OSBP2: variants seen among roughly 807,000 people sequenced by gnomAD.
OSBP2 encodes oxysterol binding protein 2, also known as oxysterol-binding protein 2.
A neutral mutation model predicts 96.0 loss-of-function variants in OSBP2; 66 were observed. That is an observed-to-expected ratio of 0.69 (90% confidence interval 0.56 to 0.84). OSBP2 has a LOEUF of 0.84. Among genes scored for constraint, OSBP2 ranks in the 40% least tolerant of loss-of-function variants. The pLI is 0.00. For synonymous variants in OSBP2, 525 were observed against 520.9 expected (o/e 1.01, Z -0.11); for missense variants, 1,038 against 1,222.7 (o/e 0.85, Z 2.25).
In OSBP2 at chr22:30,870,753, C is replaced by T. The variant is rs892410085; in HGVS notation, c.1107+71C>T. The T allele has an allele frequency of 3.9e-6, 6 of 1,521,586 alleles. No individual in the cohort carries two copies. In the African/African-American group the frequency reaches 5.5e-5, roughly 14 times the overall value. The allele number at this position is 1,521,586 out of a possible 1,614,324, so 94.3% of individuals were successfully genotyped here. A position where few individuals can be genotyped will look rare whatever the true frequency, so the allele number is the denominator to read the frequency against. On this transcript the variant is annotated intron_variant, in intron 3 of 13. Transcript: ENST00000332585. This position sits in a 1 kb window ranked among gnomAD's most constrained non-coding sequence, Gnocchi z 4.1. ...AGCCCCGGGGTCCCTCGGTGGGTGACCAGGGTCAGCTTGAAGGGTCAGCGT... is the reference window on the plus strand; with the variant it reads ...AGCCCCGGGGTCCCTCGGTGGGTGATCAGGGTCAGCTTGAAGGGTCAGCGT...
chr22:30,890,816 C>A lies in OSBP2; in HGVS notation c.1712C>A (p.Thr571Asn). The change falls in exon 8 of 14, where the codon ACC becomes AAC. Residue 571 changes from threonine (T) to asparagine (N), a missense_variant. Physicochemically the swap from Thr to Asn is moderately conservative, Grantham distance 65. Around this residue, in one of 3 missense-constraint regions of OSBP2, gnomAD observed 737 missense variants for 913.3 expected, o/e 0.81. Transcript: ENST00000332585. This position sits in a 1 kb window ranked among gnomAD's most constrained non-coding sequence, Gnocchi z 4.4. ...HHLLDKAVHC[T>N]SSVEQMCLVA... ...CTGCTGGACAAGGCAGTGCACTGCACCAGCTCAGTGGAGCAGATGTGCCTG... is the reference window on the plus strand; with the variant it reads ...CTGCTGGACAAGGCAGTGCACTGCAACAGCTCAGTGGAGCAGATGTGCCTG... The A allele has an allele frequency of 6.2e-7, 1 of 1,613,734 alleles. No individual in the cohort carries two copies. Among genetic ancestry groups the A allele is most frequent in the Non-Finnish European group, 8.5e-7 (1 of 1,179,992 alleles).
At chr22:30,902,297 A>G in intron 12 of OSBP2, 1 of 1,591,464 alleles carries the variant, frequency 6.3e-7, no homozygotes, top group Non-Finnish European at 8.6e-7. Flanking sequence ...GGATCTCAGC[A>G]TAAGGAGTGT....
intron 1 of OSBP2, among the ~76,000 whole-genome samples, chr22:30,716,183 AGGTG>A (rs2089452914): frequency 6.6e-6 from 1 of 151,310 alleles, no homozygotes; most frequent in Non-Finnish European, 1.5e-5. Context: ...CTGTGATTAC[AGGTG>A]CCTGCCACCA....
intron 2 of OSBP2, among the ~76,000 whole-genome samples, chr22:30,856,900 C>T (rs1209834518): frequency 1.3e-5 from 2 of 152,124 alleles, no homozygotes; most frequent in Admixed American, 6.5e-5. Flanking sequence ...GGAGGTGGCC[C>T]AAGCAAGGGG....
intron 3 of OSBP2, among the ~76,000 whole-genome samples, chr22:30,876,735 G>A (rs180903434): frequency 6.6e-6 from 1 of 152,280 alleles, no homozygotes; most frequent in Admixed American, 6.5e-5. Flanking sequence ...TGCATTGCGT[G>A]GCATGCCAGA....
At chr22:30,745,650 G>A (rs945848010) in intron 2 of OSBP2, among the ~76,000 whole-genome samples, 18 of 121,302 alleles carry the variant, frequency 1.5e-4, no homozygotes, top group South Asian at 8.4e-4. Context: ...CTGGGCAACA[G>A]AGTGAGACTC....
At chr22:30,785,208 C>CT (rs1354371650) in intron 2 of OSBP2, among the ~76,000 whole-genome samples, 3 of 152,156 alleles carry the variant, frequency 2.0e-5, no homozygotes, top group African/African-American at 4.8e-5. Context: ...TAGATTTAAA[C>CT]TTTCCTCTGT....
At chr22:30,799,057 T>TTTCC (rs1159820708) in intron 2 of OSBP2, among the ~76,000 whole-genome samples, 35,814 of 119,974 alleles carry the variant, frequency 0.3, 5,667 homozygotes, top group East Asian at 0.34. Flanking sequence ...CATGCAAAGG[T>TTTCC]TTCCTTCCTT....
chr22:30,904,929 G>A (rs1336028580), intron 12 of OSBP2, among the ~76,000 whole-genome samples: 1 of 152,008 alleles, frequency 6.6e-6, no homozygotes, highest in African/African-American at 2.4e-5. Context: ...TGAGGTCAGG[G>A]GTTCAATACC....
At chr22:30,777,831 C>T (rs1054927057) in intron 2 of OSBP2, among the ~76,000 whole-genome samples, 4 of 151,992 alleles carry the variant, frequency 2.6e-5, no homozygotes, top group African/African-American at 7.3e-5. Context: ...CACACGTGCT[C>T]ATCAGTCTGG....
intron 12 of OSBP2, among the ~76,000 whole-genome samples, chr22:30,896,531 C>T (rs765048681): frequency 6.6e-6 from 1 of 151,756 alleles, no homozygotes; most frequent in African/African-American, 2.4e-5. Context: ...TAAAAAGTAG[C>T]ACAAACAAAA....
At chr22:30,863,170 G>A (rs916876203) in intron 2 of OSBP2, among the ~76,000 whole-genome samples, 2 of 152,236 alleles carry the variant, frequency 1.3e-5, no homozygotes, top group Non-Finnish European at 2.9e-5. Flanking sequence ...CGGTGACGTT[G>A]CTTGATATCC....
chr22:30,814,589 C>G (rs1484981505), intron 2 of OSBP2, among the ~76,000 whole-genome samples: 3 of 151,970 alleles, frequency 2.0e-5, no homozygotes, highest in Non-Finnish European at 4.4e-5. Flanking sequence ...TGCCACCACT[C>G]TCAGCTATTT....
intron 2 of OSBP2, among the ~76,000 whole-genome samples, chr22:30,850,233 G>A (rs1179802045): frequency 6.6e-6 from 1 of 151,670 alleles, no homozygotes; most frequent in Non-Finnish European, 1.5e-5. Flanking sequence ...TTGAAACCCA[G>A]GAGGCGGAGG....
At chr22:30,869,199 G>C (rs978635706) in intron 2 of OSBP2, among the ~76,000 whole-genome samples, 2 of 152,232 alleles carry the variant, frequency 1.3e-5, no homozygotes, top group African/African-American at 4.8e-5. Context: ...GCGTGAGAGA[G>C]AGGTAAGAGG....
intron 2 of OSBP2, among the ~76,000 whole-genome samples, chr22:30,766,542 G>A (rs997050370): frequency 6.6e-6 from 1 of 152,198 alleles, no homozygotes; most frequent in African/African-American, 2.4e-5. Context: ...CAGGCCTGGA[G>A]CCCGTGTAGT....
intron 3 of OSBP2, among the ~76,000 whole-genome samples, chr22:30,879,787 C>T (rs1335921088): frequency 1.3e-5 from 2 of 152,210 alleles, no homozygotes; most frequent in Non-Finnish European, 2.9e-5. Flanking sequence ...CATGGTGGCT[C>T]ATGCCTGTAA....
intron 12 of OSBP2, among the ~76,000 whole-genome samples, chr22:30,899,647 C>T (rs1292659428): frequency 6.6e-6 from 1 of 152,008 alleles, no homozygotes; most frequent in Non-Finnish European, 1.5e-5. Flanking sequence ...CAGGATAACC[C>T]TCATACCAAA....
intron 2 of OSBP2, among the ~76,000 whole-genome samples, chr22:30,834,820 T>TC (rs2038599372): frequency 6.6e-6 from 1 of 152,004 alleles, no homozygotes; most frequent in Middle Eastern, 3.4e-3. Flanking sequence ...TCTTTTCTTT[T>TC]TTTTTTCTTT....
Sources: gnomAD v4.1 joint callset for allele counts (sites outside exome capture counted in the v4.1 genomes callset) on GRCh38, gnomAD v4.1.1 for gene constraint, gnomAD v4.1.1 regional missense constraint, Gnocchi (gnomAD v3.1) non-coding constraint, MANE v1.5 for transcripts, NCBI Gene and HGNC (gene_info 2026-07-23, HGNC 2026-07-21) for gene names.